The following ROBO2 variants were observed in gnomAD, a reference collection of about 807,000 sequenced individuals.
ROBO2 encodes the protein roundabout guidance receptor 2, also known as roundabout homolog 2.
Under a neutral mutation model 160.8 loss-of-function variants are expected in ROBO2, and 53 were observed. The observed-to-expected ratio is 0.33, with a 90% CI of 0.26 to 0.41. The LOEUF (loss-of-function observed/expected upper bound fraction) is 0.41. Ranked by LOEUF, ROBO2 falls within the 10% of genes least tolerant of loss-of-function variation. The pLI, the probability that ROBO2 is intolerant of heterozygous loss-of-function variation, is 1.00. For synonymous variants in ROBO2, 664 were observed against 611.7 expected, an observed-to-expected ratio of 1.09 and a Z score of -1.26; for missense variants, 1,577 against 1,722.4, an observed-to-expected ratio of 0.92 and a Z score of 1.49.
chr3:76,812,504 A>G (rs1356010253), intron 2 of ROBO2, among the ~76,000 whole-genome samples: 3 of 151,960 alleles, frequency 2.0e-5, no homozygotes, highest in African/African-American at 7.2e-5. Context: ...TTAATTTAAA[A>G]AAAAAGGGAA....
intron 2 of ROBO2, among the ~76,000 whole-genome samples, chr3:76,397,974 G>A (rs368805740): frequency 0.03 from 4,527 of 151,978 alleles, 132 homozygotes; most frequent in African/African-American, 0.08. Context: ...CCCATTACTG[G>A]GTATATACCC....
chr3:76,773,272 CTG>C (rs915030778), intron 2 of ROBO2, among the ~76,000 whole-genome samples: 40 of 149,054 alleles, frequency 2.7e-4, no homozygotes, highest in African/African-American at 9.7e-5. Flanking sequence ...CATTAATAAA[CTG>C]TTATATTTAT....
At chr3:76,915,726 G>A (rs2076264708) in intron 2 of ROBO2, among the ~76,000 whole-genome samples, 1 of 151,410 alleles carries the variant, frequency 6.6e-6, no homozygotes, top group South Asian at 2.1e-4. Flanking sequence ...TCAGGAGGCG[G>A]CTCTGTGACT....
intron 2 of ROBO2, chr3:76,434,752 C>T (rs2076590509): frequency 8.6e-7 from 1 of 1,162,246 alleles, no homozygotes; most frequent in Non-Finnish European, 1.3e-6. Context: ...TCAGATGAGT[C>T]CGCTTCCTGC....
intron 2 of ROBO2, among the ~76,000 whole-genome samples, chr3:76,440,849 G>C (rs1214757990): frequency 1.3e-5 from 2 of 151,934 alleles, no homozygotes; most frequent in Non-Finnish European, 2.9e-5. Context: ...ATTACAGAGT[G>C]CTGAGCAGGC....
chr3:76,263,844 A>G (rs1706924728), intron 2 of ROBO2, among the ~76,000 whole-genome samples: 1 of 152,176 alleles, frequency 6.6e-6, no homozygotes, highest in African/African-American at 2.4e-5. Flanking sequence ...GATAAACTGG[A>G]TAAAGAAAAT....
intron 8 of ROBO2, among the ~76,000 whole-genome samples, chr3:77,554,212 G>C (rs925158808): frequency 1.3e-5 from 2 of 151,970 alleles, no homozygotes; most frequent in South Asian, 4.1e-4. Flanking sequence ...TTTACAGCAT[G>C]GTTTACCTAC....
chr3:76,819,555 G>A (rs2065944738), intron 2 of ROBO2, among the ~76,000 whole-genome samples: 8 of 152,048 alleles, frequency 5.3e-5, no homozygotes, highest in Admixed American at 5.3e-4. Context: ...CTTAAGGAAG[G>A]AAATAGCATG....
At chr3:76,377,733 A>G (rs2076416543) in intron 2 of ROBO2, among the ~76,000 whole-genome samples, 1 of 152,180 alleles carries the variant, frequency 6.6e-6, no homozygotes, top group African/African-American at 2.4e-5. Context: ...AATACCTAGC[A>G]AACTGCTTGT....
chr3:76,343,921 C>T (rs1249328556), intron 2 of ROBO2, among the ~76,000 whole-genome samples: 2 of 151,918 alleles, frequency 1.3e-5, no homozygotes, highest in Non-Finnish European at 2.9e-5. Context: ...CTTGATGTGT[C>T]CAAAGATTTT....
At chr3:77,319,203 C>T (rs2064396160) in intron 2 of ROBO2, among the ~76,000 whole-genome samples, 1 of 152,126 alleles carries the variant, frequency 6.6e-6, no homozygotes, top group African/African-American at 2.4e-5. Context: ...TTCTTTGAAT[C>T]TAATGAAAGT....
chr3:76,057,879 C>T (rs983950970), intron 2 of ROBO2, among the ~76,000 whole-genome samples: 7 of 151,884 alleles, frequency 4.6e-5, no homozygotes, highest in Non-Finnish European at 8.8e-5. Context: ...TTTTGTTTAG[C>T]TGTGTTTGTC....
intron 2 of ROBO2, among the ~76,000 whole-genome samples, chr3:76,252,782 C>G (rs1476555163): frequency 6.6e-6 from 1 of 151,368 alleles, no homozygotes; most frequent in Non-Finnish European, 1.5e-5. Flanking sequence ...CACACACACA[C>G]ACACACACAC....
chr3:76,948,904 ATATATTTTTT>A (rs1252415536), intron 2 of ROBO2, among the ~76,000 whole-genome samples: 371 of 24,746 alleles, frequency 0.015, 3 homozygotes, highest in East Asian at 0.065. Context: ...ATATATATAT[ATATATTTTTT>A]TTTTTTTTTT....
intron 2 of ROBO2, among the ~76,000 whole-genome samples, chr3:76,216,244 T>C (rs1703517344): frequency 6.6e-6 from 1 of 152,184 alleles, no homozygotes; most frequent in South Asian, 2.1e-4. Flanking sequence ...AGGAAGAAAC[T>C]GCATCAACTA....
At chr3:76,812,235 T>G (rs769509557) in intron 2 of ROBO2, among the ~76,000 whole-genome samples, 19 of 151,622 alleles carry the variant, frequency 1.3e-4, no homozygotes, top group Non-Finnish European at 2.6e-4. Flanking sequence ...ACTGCTAAAT[T>G]TATTTTATGT....
At chr3:77,102,097 T>C (rs1389239913) in intron 2 of ROBO2, among the ~76,000 whole-genome samples, 1 of 152,144 alleles carries the variant, frequency 6.6e-6, no homozygotes, top group Non-Finnish European at 1.5e-5. Flanking sequence ...TCCCAAATGA[T>C]GATCAAATAA....
chr3:76,519,338 T>C (rs2081486505), intron 2 of ROBO2, among the ~76,000 whole-genome samples: 4 of 152,176 alleles, frequency 2.6e-5, no homozygotes, highest in Admixed American at 2.6e-4. Flanking sequence ...ACAGTATGAA[T>C]TGCAAAGCTG....
chr3:76,174,037 T>A (rs2073135968), intron 2 of ROBO2, among the ~76,000 whole-genome samples: 1 of 152,168 alleles, frequency 6.6e-6, no homozygotes, highest in African/African-American at 2.4e-5. Flanking sequence ...TGTTCCAGAC[T>A]TTTTAATGAT....
Sources: allele counts gnomAD v4.1 joint callset (sites outside exome capture counted in the v4.1 genomes callset), GRCh38; gene constraint gnomAD v4.1.1; transcripts MANE v1.5; gene names NCBI Gene and HGNC (gene_info 2026-07-23, HGNC 2026-07-21).